COL19A1: variants seen among roughly 807,000 people sequenced by gnomAD.
The protein encoded by COL19A1 is collagen alpha-1(XIX) chain.
In COL19A1, 159 loss-of-function variants were observed where a neutral mutation model predicts 190.2. That is an observed-to-expected ratio of 0.84 (90% confidence interval 0.73 to 0.95). The LOEUF (loss-of-function observed/expected upper bound fraction) is 0.95, where lower values mean the gene tolerates loss of function less well. Among genes scored for constraint, COL19A1 ranks in the 40% least tolerant of loss-of-function variants. The pLI is 0.00. For synonymous variants in COL19A1, 509 were observed against 458.9 expected (o/e 1.11, Z -1.39); for missense variants, 1,418 against 1,431.9 (o/e 0.99, Z 0.16).
rs1413563335 is a variant in COL19A1 at position 70,189,567 on chromosome 6, A to G, written c.3028-748A>G. Among the ~76,000 whole-genome samples, 4 of 152,180 alleles carry G rather than the reference A, an allele frequency of 2.6e-5. No homozygotes were observed. The East Asian group carries it at 7.7e-4, about 29-fold the overall frequency. Reference sequence around the variant, plus strand: ...AGTAAAATACTTTGAAATTCTAACCATCAAGAAAAAAATAATAGCTCCTTT... The same window carrying G: ...AGTAAAATACTTTGAAATTCTAACCGTCAAGAAAAAAATAATAGCTCCTTT... On this transcript the variant is annotated intron_variant, in intron 47 of 50. Transcript: ENST00000620364.
At chr6:70,185,449 G>C (rs1055290949) in intron 46 of COL19A1, among the ~76,000 whole-genome samples, 1 of 152,170 alleles carries the variant, frequency 6.6e-6, no homozygotes. Flanking sequence ...CTACTGACAT[G>C]CAGAAAAACT....
At chr6:70,115,788 C>G (rs1263456422) in intron 16 of COL19A1, among the ~76,000 whole-genome samples, 1 of 140,684 alleles carries the variant, frequency 7.1e-6, no homozygotes, top group Non-Finnish European at 1.5e-5. Flanking sequence ...GAGTTTCTAG[C>G]AGTTGTTGTT....
rs1158757413 is a variant in COL19A1, at chr6:70,123,957, T to C, written c.1341+2015T>C. ...CACATGTACCCTAAAACTTAAAGCATAATAATAATAAATTTAAAAAAAAAA... is the reference window on the plus strand; with the variant it reads ...CACATGTACCCTAAAACTTAAAGCACAATAATAATAAATTTAAAAAAAAAA... On this transcript the variant is annotated intron_variant, in intron 17 of 50. Coordinates refer to ENST00000620364, the MANE Select transcript of COL19A1 (RefSeq NM_001858.6). Among the ~76,000 whole-genome samples the C allele has an allele frequency of 2.0e-5, 3 of 148,602 alleles. No individual in the cohort carries two copies. The East Asian group carries it at 6.0e-4, about 30-fold the overall frequency.
intron 14 of COL19A1, among the ~76,000 whole-genome samples, chr6:70,037,199 A>G (rs569812945): frequency 1.8e-3 from 279 of 152,264 alleles, no homozygotes; most frequent in African/African-American, 6.5e-3. Flanking sequence ...TCTGTCACCC[A>G]GGCTGGAGTA....
At chr6:69,947,604 T>G (rs956683323) in intron 9 of COL19A1, among the ~76,000 whole-genome samples, 3 of 151,876 alleles carry the variant, frequency 2.0e-5, no homozygotes, top group African/African-American at 7.2e-5. Flanking sequence ...TGTGGCATTC[T>G]AGCTGCACTG....
intron 15 of COL19A1, among the ~76,000 whole-genome samples, chr6:70,088,170 A>G (rs1782692081): frequency 6.6e-6 from 1 of 152,156 alleles, no homozygotes; most frequent in Non-Finnish European, 1.5e-5. Flanking sequence ...AATCATGAGG[A>G]AAAGATCATA....
At chr6:69,940,635 T>C in intron 9 of COL19A1, among the ~76,000 whole-genome samples, 1 of 152,184 alleles carries the variant, frequency 6.6e-6, no homozygotes, top group Non-Finnish European at 1.5e-5. Context: ...TAATTCATAA[T>C]GGCAAGAGAT....
At chr6:70,133,744 T>A (rs1362392875) in intron 18 of COL19A1, among the ~76,000 whole-genome samples, 1 of 152,166 alleles carries the variant, frequency 6.6e-6, no homozygotes, top group East Asian at 1.9e-4. Context: ...TTTCAACTCA[T>A]CTCTACAGTG....
At chr6:70,080,461 C>T (rs1295339903) in intron 15 of COL19A1, among the ~76,000 whole-genome samples, 1 of 152,180 alleles carries the variant, frequency 6.6e-6, no homozygotes, top group Non-Finnish European at 1.5e-5. Context: ...TTATCTAAGA[C>T]TCCTTTCCTT....
intron 16 of COL19A1, among the ~76,000 whole-genome samples, chr6:70,103,579 T>A (rs1380992968): frequency 1.3e-5 from 2 of 152,354 alleles, no homozygotes; most frequent in East Asian, 3.9e-4. Context: ...ATGCCCTTCC[T>A]TCTTTTGTAA....
chr6:69,896,275 C>T (rs997228510), intron 2 of COL19A1, among the ~76,000 whole-genome samples: 6 of 151,738 alleles, frequency 4.0e-5, no homozygotes, highest in South Asian at 2.1e-4. Flanking sequence ...CGGTGGCTCA[C>T]GCCTGTAATC....
intron 48 of COL19A1, among the ~76,000 whole-genome samples, chr6:70,198,661 T>C (rs1250865726): frequency 1.3e-5 from 2 of 152,230 alleles, no homozygotes; most frequent in Non-Finnish European, 2.9e-5. Context: ...TTTCATATAG[T>C]AGTAAAATAT....
chr6:69,931,755 T>A (rs1055054617), intron 6 of COL19A1, among the ~76,000 whole-genome samples: 1 of 152,164 alleles, frequency 6.6e-6, no homozygotes, highest in African/African-American at 2.4e-5. Context: ...AATCTTAGGC[T>A]GCTCATGAAT....
intron 15 of COL19A1, among the ~76,000 whole-genome samples, chr6:70,090,898 G>T (rs757740151): frequency 1.2e-4 from 19 of 152,078 alleles, no homozygotes; most frequent in Non-Finnish European, 2.2e-4. Flanking sequence ...ATTCCTTGAA[G>T]AATTTGTTCT....
chr6:70,059,825 T>G (rs1379286997), intron 14 of COL19A1: 3 of 513,256 alleles, frequency 5.8e-6, no homozygotes, highest in Non-Finnish European at 1.2e-5. Flanking sequence ...GTGCAAAATT[T>G]TAGAAATAAC....
At chr6:70,051,182 A>G (rs1373809347) in intron 14 of COL19A1, among the ~76,000 whole-genome samples, 1 of 151,976 alleles carries the variant, frequency 6.6e-6, no homozygotes, top group Non-Finnish European at 1.5e-5. Context: ...AATCCCCTCT[A>G]TTTTATCACA....
intron 40 of COL19A1, among the ~76,000 whole-genome samples, chr6:70,171,194 G>C (rs1203736074): frequency 6.6e-6 from 1 of 152,134 alleles, no homozygotes; most frequent in Non-Finnish European, 1.5e-5. Flanking sequence ...GTTAGTGTTA[G>C]TGTATTTTAT....
At chr6:69,907,091 G>GATTATTATT (rs1313098438) in intron 4 of COL19A1, among the ~76,000 whole-genome samples, 1 of 132,568 alleles carries the variant, frequency 7.5e-6, no homozygotes, top group African/African-American at 2.8e-5. Flanking sequence ...ACTATCTTCA[G>GATTATTATT]ATTATTATTA....
chr6:69,885,820 G>A (rs568021035), intron 2 of COL19A1, among the ~76,000 whole-genome samples: 1 of 151,998 alleles, frequency 6.6e-6, no homozygotes, highest in African/African-American at 2.4e-5. Flanking sequence ...CTTTTTTTAA[G>A]GCTGAATAAT....
Sources: allele counts gnomAD v4.1 joint callset (sites outside exome capture counted in the v4.1 genomes callset), GRCh38; gene constraint gnomAD v4.1.1; transcripts MANE v1.5; gene names NCBI Gene and HGNC (gene_info 2026-07-23, HGNC 2026-07-21).